The following SGMS1 variants were observed in gnomAD, a reference collection of about 807,000 sequenced individuals.
SGMS1 encodes sphingomyelin synthase 1, also known as phosphatidylcholine:ceramide cholinephosphotransferase 1.
SGMS1 carries 13 observed loss-of-function variants against 46.2 expected under a neutral mutation model. That is an observed-to-expected ratio of 0.28 (90% CI 0.18 to 0.45). The LOEUF (loss-of-function observed/expected upper bound fraction) is 0.45. Ranked by LOEUF, SGMS1 falls within the 20% of genes least tolerant of loss-of-function variation. SGMS1 has a pLI of 1.00. For synonymous variants in SGMS1, 203 were observed against 187.8 expected (o/e 1.08, Z -0.66); for missense variants, 324 against 519.9 (o/e 0.62, Z 3.66).
intron 7 of SGMS1, chr10:50,341,481 T>C (rs1847820619): frequency 2.2e-6 from 1 of 455,610 alleles, no homozygotes; most frequent in Non-Finnish European, 4.4e-6. Flanking sequence ...TTGGATGCAT[T>C]CTGGACACAA....
At position 50,518,799 on chromosome 10, in the gene SGMS1, A is replaced by G. The variant is rs139541269; in HGVS notation, c.-498+1032T>C. ...AAAAAACAAAGAAGAAACAAGTTTC[A>G]TTCACTATACAAGAAGAGACTGAAA... On this transcript the variant is annotated intron_variant, in intron 3 of 10. Transcript: ENST00000361781. Among the ~76,000 whole-genome samples, 1,096 of 152,350 alleles carry G rather than the reference A, an allele frequency of 7.2e-3. 15 individuals carry two copies. The highest frequency in any genetic ancestry group is 7.8e-3 in the Non-Finnish European group (534 of 68,026).
upstream of SGMS1, chr10:50,624,590 G>A (rs1259385254): frequency 2.0e-6 from 2 of 985,058 alleles, no homozygotes; most frequent in South Asian, 4.7e-5. Context: ...GAGCCGCCCC[G>A]CCCCGCCTGG....
chr10:50,484,856 T>C (rs182348839), intron 3 of SGMS1, among the ~76,000 whole-genome samples: 429 of 152,260 alleles, frequency 2.8e-3, no homozygotes, highest in Non-Finnish European at 5.2e-3. Flanking sequence ...CCCTTCATGT[T>C]AAAAACTCTC....
chr10:50,589,251 ACT>A (rs373266528), intron 2 of SGMS1, among the ~76,000 whole-genome samples: 1 of 151,154 alleles, frequency 6.6e-6, no homozygotes, highest in Non-Finnish European at 1.5e-5. Flanking sequence ...TAAAGAAATC[ACT>A]CTCTCTCTCT....
At chr10:50,413,986 T>G (rs1276291099) in intron 6 of SGMS1, among the ~76,000 whole-genome samples, 1 of 152,250 alleles carries the variant, frequency 6.6e-6, no homozygotes, top group African/African-American at 2.4e-5. Flanking sequence ...AAGTTTTTAA[T>G]TTTTTAATTT....
chr10:50,551,241 T>C (rs1437570168), intron 2 of SGMS1, among the ~76,000 whole-genome samples: 1 of 151,672 alleles, frequency 6.6e-6, no homozygotes, highest in Non-Finnish European at 1.5e-5. Context: ...ACGATGAAAA[T>C]GGCACTTCAT....
At chr10:50,372,451 T>G (rs1353373873) in intron 6 of SGMS1, among the ~76,000 whole-genome samples, 1 of 152,100 alleles carries the variant, frequency 6.6e-6, no homozygotes, top group East Asian at 1.9e-4. Flanking sequence ...TCCCAGCACT[T>G]TGGGAGGCCG....
At chr10:50,520,381 C>CAAA (rs143925495) in intron 2 of SGMS1, among the ~76,000 whole-genome samples, 13 of 147,546 alleles carry the variant, frequency 8.8e-5, no homozygotes, top group Non-Finnish European at 1.8e-4. Context: ...GACCCCATCT[C>CAAA]AAAAAAAAAA....
intron 3 of SGMS1, among the ~76,000 whole-genome samples, chr10:50,476,043 G>C (rs892720664): frequency 5.1e-5 from 7 of 137,556 alleles, no homozygotes; most frequent in South Asian, 2.3e-4. Flanking sequence ...CCTGAGGTCA[G>C]GAGTCCGAGA....
intron 5 of SGMS1, among the ~76,000 whole-genome samples, chr10:50,452,347 G>A (rs766000734): frequency 5.9e-5 from 9 of 152,080 alleles, no homozygotes; most frequent in African/African-American, 1.7e-4. Flanking sequence ...AGGAGACTGC[G>A]CTGTACCTAA....
chr10:50,334,478 G>A (rs1231061704), intron 7 of SGMS1: 1 of 152,110 alleles, frequency 6.6e-6, no homozygotes, highest in African/African-American at 2.4e-5. Flanking sequence ...TTAGGGGCTT[G>A]CTTAGTCACA....
intron 3 of SGMS1, among the ~76,000 whole-genome samples, chr10:50,473,161 A>T (rs563983750): frequency 6.6e-6 from 1 of 152,126 alleles, no homozygotes; most frequent in South Asian, 2.1e-4. Context: ...AAAAAAAAAT[A>T]GTTCTCTACA....
intron 6 of SGMS1, among the ~76,000 whole-genome samples, chr10:50,358,413 C>T (rs1848191241): frequency 6.6e-6 from 1 of 152,146 alleles, no homozygotes; most frequent in African/African-American, 2.4e-5. Context: ...TGGAACTTTC[C>T]ATAAAATAAT....
At chr10:50,542,595 A>T (rs1344767191) in intron 2 of SGMS1, among the ~76,000 whole-genome samples, 1 of 151,488 alleles carries the variant, frequency 6.6e-6, no homozygotes, top group Non-Finnish European at 1.5e-5. Context: ...TACCATAAAG[A>T]AAAGTGTATA....
chr10:50,533,635 G>T (rs1453448341), intron 2 of SGMS1, among the ~76,000 whole-genome samples: 2 of 151,928 alleles, frequency 1.3e-5, no homozygotes, highest in Admixed American at 6.6e-5. Flanking sequence ...CCTTTTAAAG[G>T]TTATTTGTAA....
chr10:50,537,157 A>G (rs991912859), intron 2 of SGMS1, among the ~76,000 whole-genome samples: 1 of 152,222 alleles, frequency 6.6e-6, no homozygotes, highest in Non-Finnish European at 1.5e-5. Context: ...GATACATATC[A>G]ATGCATATCC....
chr10:50,571,879 G>A (rs1040853858), intron 2 of SGMS1, among the ~76,000 whole-genome samples: 2 of 152,130 alleles, frequency 1.3e-5, no homozygotes, highest in Non-Finnish European at 2.9e-5. Flanking sequence ...AGAAGGTTAA[G>A]TAACTTTGAT....
At chr10:50,483,260 A>C (rs1837492705) in intron 3 of SGMS1, among the ~76,000 whole-genome samples, 1 of 152,094 alleles carries the variant, frequency 6.6e-6, no homozygotes, top group East Asian at 1.9e-4. Flanking sequence ...TTGTATTTTT[A>C]GTAGAGGCAG....
At chr10:50,347,447 A>G (rs1004999871) in intron 6 of SGMS1, among the ~76,000 whole-genome samples, 5 of 152,326 alleles carry the variant, frequency 3.3e-5, no homozygotes, top group Admixed American at 1.3e-4. Flanking sequence ...AAGAATTTCA[A>G]TTGCCACCAG....
Sources: allele counts gnomAD v4.1 joint callset (sites outside exome capture counted in the v4.1 genomes callset), GRCh38; gene constraint gnomAD v4.1.1; transcripts MANE v1.5; gene names NCBI Gene and HGNC (gene_info 2026-07-23, HGNC 2026-07-21).